Variants in SOX5 observed in about 807,000 individuals in gnomAD.
The protein encoded by SOX5 is transcription factor SOX-5.
A neutral mutation model predicts 92.0 loss-of-function variants in SOX5; 9 were observed. That is an observed-to-expected ratio of 0.10 (90% CI 0.06 to 0.17). The LOEUF (loss-of-function observed/expected upper bound fraction) is 0.17. Among genes scored for constraint, SOX5 ranks in the 10% least tolerant of loss-of-function variants. SOX5 has a pLI of 1.00. For missense variants in SOX5, 642 were observed against 944.5 expected (o/e 0.68, Z 4.20); for synonymous variants, 344 against 336.3 (o/e 1.02, Z -0.25).
chr12:23,691,414 T>C (rs2088785074), intron 6 of SOX5, among the ~76,000 whole-genome samples: 1 of 152,212 alleles, frequency 6.6e-6, no homozygotes, highest in South Asian at 2.1e-4. Context: ...TATTCTCTCT[T>C]TTCCTACTAT....
intron 1 of SOX5, among the ~76,000 whole-genome samples, chr12:24,539,412 A>G (rs564415577): frequency 1.1e-4 from 17 of 152,176 alleles, no homozygotes; most frequent in Non-Finnish European, 2.1e-4. Context: ...CCAACTGTTG[A>G]GCTACCTTTA....
At position 24,342,611 on chromosome 12, in the gene SOX5, A is replaced by G. The variant is rs544378393; in HGVS notation, c.-174+25952T>C. Among the ~76,000 whole-genome samples the G allele has an allele frequency of 2.0e-5, 3 of 152,256 alleles. No individual in the cohort carries two copies. The South Asian group carries it at 6.2e-4, about 32-fold the overall frequency. ...AAATCATAGATCCTTAAGATTTCTT[A>G]CCTATCTTCCTTATTATCTATTCCT... On this transcript the variant is annotated intron_variant, in intron 2 of 4. Coordinates refer to the SOX5 transcript ENST00000446891.
At chr12:23,844,756 G>A (rs1249082891) in intron 3 of SOX5, among the ~76,000 whole-genome samples, 7 of 151,944 alleles carry the variant, frequency 4.6e-5, no homozygotes, top group Non-Finnish European at 8.8e-5. Flanking sequence ...TCCTTATAAT[G>A]TTTTATGTTT....
intron 1 of SOX5, among the ~76,000 whole-genome samples, chr12:24,534,157 C>T (rs1951430027): frequency 6.6e-6 from 1 of 152,028 alleles, no homozygotes; most frequent in East Asian, 1.9e-4. Context: ...GCTAAAAGTC[C>T]ATCTTACATC....
At chr12:23,945,990 C>A (rs542479139) in intron 1 of SOX5, among the ~76,000 whole-genome samples, 1 of 152,138 alleles carries the variant, frequency 6.6e-6, no homozygotes, top group South Asian at 2.1e-4. Flanking sequence ...GGGAATTTTA[C>A]GAATTAGTTT....
intron 3 of SOX5, among the ~76,000 whole-genome samples, chr12:23,795,072 C>A (rs2095539079): frequency 6.6e-6 from 1 of 152,030 alleles, no homozygotes; most frequent in Non-Finnish European, 1.5e-5. Flanking sequence ...CAGATTTGAC[C>A]ATGAGGATTC....
At chr12:24,283,406 A>T (rs1182802243) in intron 2 of SOX5, among the ~76,000 whole-genome samples, 3 of 152,214 alleles carry the variant, frequency 2.0e-5, no homozygotes. Flanking sequence ...TGGTAATATC[A>T]GTGTTGGAAG....
At chr12:24,438,553 C>T (rs1939905785) in intron 1 of SOX5, among the ~76,000 whole-genome samples, 1 of 152,024 alleles carries the variant, frequency 6.6e-6, no homozygotes, top group Non-Finnish European at 1.5e-5. Flanking sequence ...ATTCTAGATG[C>T]CATTAAGAGC....
At chr12:24,269,688 C>CTTTTTTTTTTTTTT (rs58098308) in intron 3 of SOX5, among the ~76,000 whole-genome samples, 41 of 116,686 alleles carry the variant, frequency 3.5e-4, no homozygotes, top group East Asian at 7.3e-4. Flanking sequence ...TATTTTTATT[C>CTTTTTTTTTTTTTT]TTTTTTTTTT....
intron 4 of SOX5, among the ~76,000 whole-genome samples, chr12:24,148,688 T>TAAAAAAAAAAA (rs398018872): frequency 9.9e-5 from 7 of 70,940 alleles, no homozygotes; most frequent in South Asian, 5.7e-4. Flanking sequence ...CCATCTCTAC[T>TAAAAAAAAAAA]AAAAAAAAAA....
intron 7 of SOX5, among the ~76,000 whole-genome samples, chr12:23,647,751 C>T (rs933663918): frequency 6.6e-5 from 10 of 152,214 alleles, no homozygotes; most frequent in African/African-American, 2.4e-4. Flanking sequence ...TCATCTCTCT[C>T]AGCCTTCGTA....
intron 1 of SOX5, among the ~76,000 whole-genome samples, chr12:24,412,135 C>G (rs149955715): frequency 6.6e-6 from 1 of 151,962 alleles, no homozygotes; most frequent in Non-Finnish European, 1.5e-5. Flanking sequence ...CGTATCGATA[C>G]GATCGATAAA....
intron 4 of SOX5, among the ~76,000 whole-genome samples, chr12:24,049,641 T>G (rs1018625398): frequency 1.4e-3 from 11 of 7,732 alleles, no homozygotes; most frequent in African/African-American, 1.9e-3. Flanking sequence ...CTTCATAGTT[T>G]TTTTTTTTTT....
At chr12:24,400,751 C>T (rs765278252) in intron 1 of SOX5, among the ~76,000 whole-genome samples, 18 of 152,222 alleles carry the variant, frequency 1.2e-4, no homozygotes, top group Non-Finnish European at 2.2e-4. Flanking sequence ...GCTCCACACA[C>T]ACACTTTGCT....
chr12:23,727,255 G>A (rs1483761780), intron 6 of SOX5, among the ~76,000 whole-genome samples: 10 of 151,962 alleles, frequency 6.6e-5, no homozygotes, highest in Non-Finnish European at 1.2e-4. Context: ...TTCAAATAGC[G>A]TCTCAATAAA....
intron 4 of SOX5, among the ~76,000 whole-genome samples, chr12:24,132,081 C>A (rs569057049): frequency 6.6e-6 from 1 of 152,196 alleles, no homozygotes; most frequent in African/African-American, 2.4e-5. Flanking sequence ...CTCTTCAATC[C>A]CTAATGCTAA....
chr12:24,008,232 A>C (rs1354400093), intron 4 of SOX5, among the ~76,000 whole-genome samples: 1 of 152,184 alleles, frequency 6.6e-6, no homozygotes, highest in East Asian at 1.9e-4. Context: ...ATTTTGCAGA[A>C]TATTATGCCA....
intron 1 of SOX5, among the ~76,000 whole-genome samples, chr12:24,458,639 A>G (rs1418838062): frequency 6.6e-6 from 1 of 152,210 alleles, no homozygotes. Context: ...CTTACTAAAC[A>G]AAGTGTGATC....
intron 1 of SOX5, among the ~76,000 whole-genome samples, chr12:23,930,233 G>A (rs549940381): frequency 6.6e-6 from 1 of 151,792 alleles, no homozygotes; most frequent in Non-Finnish European, 1.5e-5. Context: ...TTGGTAGAAT[G>A]CTTCATTTTT....
Sources: gnomAD v4.1 joint callset for allele counts (sites outside exome capture counted in the v4.1 genomes callset) on GRCh38, gnomAD v4.1.1 for gene constraint, MANE v1.5 for transcripts, NCBI Gene and HGNC (gene_info 2026-07-23, HGNC 2026-07-21) for gene names.